BRAT1: variants seen among roughly 807,000 people sequenced by gnomAD.
The protein encoded by BRAT1 is integrator complex assembly factor BRAT1.
In BRAT1, 74 loss-of-function variants were observed where a neutral mutation model predicts 70.6. The ratio of observed to expected loss-of-function variants is 1.05; its 90% CI spans 0.87 to 1.27. BRAT1 has a LOEUF of 1.27. Ranked by LOEUF, BRAT1 falls within the 50% of genes most tolerant of loss-of-function variation. The pLI, the probability that BRAT1 is intolerant of heterozygous loss-of-function variation, is 0.00. For synonymous variants in BRAT1, 615 were observed against 517.1 expected, an observed-to-expected ratio of 1.19 and a Z score of -2.57; for missense variants, 1,203 against 1,098.2, an observed-to-expected ratio of 1.10 and a Z score of -1.35.
chr7:2,552,081 A>ATATATATATATATATTTAAAT (rs1780047000), intron 2 of BRAT1, among the ~76,000 whole-genome samples: 1 of 23,382 alleles, frequency 4.3e-5, no homozygotes, highest in East Asian at 2.8e-3. Flanking sequence ...CATAGTCTTA[A>ATATATATATATATATTTAAAT]ATATATATAT....
At chr7:2,545,129 G>A in intron 3 of BRAT1, 73 bp from the exon 4 acceptor site, 1 of 1,407,718 alleles carries the variant, frequency 7.1e-7, no homozygotes, top group Non-Finnish European at 9.4e-7. Context: ...ACTTTGGGAG[G>A]CCGAGGAGGG....
rs749883517 is a variant in BRAT1 at position 2,541,841 on chromosome 7, G to A, written c.1016-5C>T. The A allele has an allele frequency of 2.5e-6, 4 of 1,612,554 alleles. No individual in the cohort carries two copies. The highest frequency in any genetic ancestry group is 3.4e-6 in the Non-Finnish European group (4 of 1,179,696). On this transcript the variant is annotated splice_region_variant and splice_polypyrimidine_tract_variant and intron_variant, in intron 7 of 13. Coordinates refer to ENST00000340611, the MANE Select transcript of BRAT1 (RefSeq NM_152743.4). Reference sequence around the variant, plus strand: ...CTGCCGTCCCGTCCAGCAAGCCTGGGGGCCAAGCCAGGAAGAGCTCCCTTA... The same window carrying A: ...CTGCCGTCCCGTCCAGCAAGCCTGGAGGCCAAGCCAGGAAGAGCTCCCTTA...
At position 2,552,081 on chromosome 7, in the gene BRAT1, A is replaced by AACATATATATAT. The variant is rs1554298077; in HGVS notation, c.127+2223_127+2224insATATATATATGT. Among the ~76,000 whole-genome samples the AACATATATATAT allele has an allele frequency of 3.0e-4, 7 of 23,384 alleles. 1 individual carries two copies. In the East Asian group the frequency reaches 0.017, roughly 58 times the overall value. The allele number at this position is 23,384 out of a possible 152,430, so 15.3% of individuals were successfully genotyped here. The stretch of plus-strand genomic sequence containing the variant: ...ACTTTTAGAGAAATGCATAGTCTTA[A>AACATATATATAT]ATATATATATATATATATATATATA... On this transcript the variant is annotated intron_variant, in intron 2 of 13. Coordinates refer to ENST00000340611, the MANE Select transcript of BRAT1 (RefSeq NM_152743.4).
chr7:2,538,942 C>A, intron 13 of BRAT1, 178 bp from the exon 14 acceptor site: 1 of 1,451,254 alleles, frequency 6.9e-7, no homozygotes, highest in Non-Finnish European at 9.0e-7. Flanking sequence ...TCAGTTTACC[C>A]ATCTGTCAAA....
intron 13 of BRAT1, 198 bp from the exon 14 acceptor site, chr7:2,538,962 C>G: frequency 6.9e-7 from 1 of 1,446,136 alleles, no homozygotes. Context: ...ATGGAGGTAA[C>G]CATGTCTAAG....
chr7:2,550,713 G>A (rs1052593406), intron 2 of BRAT1, among the ~76,000 whole-genome samples: 13 of 152,046 alleles, frequency 8.6e-5, no homozygotes, highest in African/African-American at 2.9e-4. Context: ...AATGACAGAG[G>A]CTGGGAGGGA....
intron 2 of BRAT1, among the ~76,000 whole-genome samples, chr7:2,549,434 A>G (rs34224796): frequency 0.12 from 18,498 of 152,142 alleles, 1,517 homozygotes; most frequent in Admixed American, 0.17. Context: ...CCGTGATTAC[A>G]CCACTGTCCT....
rs188944045 is a variant in BRAT1, at chr7:2,546,153, A to G, written c.283-1097T>C. ...GAGCTCTCATGCCTTGCTATGTAGA[A>G]ATTCTTGGCTGGGAGCAGTGGCTCA... On this transcript the variant is annotated intron_variant, in intron 3 of 13. Coordinates refer to ENST00000340611, the MANE Select transcript of BRAT1 (RefSeq NM_152743.4). Among the ~76,000 whole-genome samples the G allele has an allele frequency of 6.9e-3, 1,050 of 152,298 alleles. 31 individuals are homozygous for G. The highest frequency in any genetic ancestry group is 0.06 in the Admixed American group (914 of 15,288).
At chr7:2,553,814 GT>G (rs765357895) in intron 2 of BRAT1, among the ~76,000 whole-genome samples, 149 of 133,154 alleles carry the variant, frequency 1.1e-3, no homozygotes, top group Middle Eastern at 3.9e-3. Flanking sequence ...GCTAATTTTT[GT>G]TTTTTTTTTT....
chr7:2,540,703 AT>A, intron 10 of BRAT1: 1 of 387,622 alleles, frequency 2.6e-6, no homozygotes, highest in Non-Finnish European at 4.6e-6. Context: ...GTGCCACCTC[AT>A]TTCCCTTGTC....
rs1384226043 is a variant in BRAT1, at chr7:2,541,431, A to G, written c.1188T>C (p.Thr396=). 6.3e-7 allele frequency: 1 copy of G among 1,582,084 alleles called. No homozygotes were observed. The highest frequency in any genetic ancestry group is 2.3e-5 in the East Asian group (1 of 43,582). ...PQASLLGATV[T]VLRLCDGSAA... ...CCGAGCCGTCACAGAGCCGCAGGAC[A>G]GTCACTGTAGCCCCCAGTAGAGACG... Residue 396 remains threonine (T), a synonymous_variant, in exon 9 of 14, where the codon ACT becomes ACC. Transcript: ENST00000340611.
chr7:2,546,848 C>T (rs763315348), intron 3 of BRAT1, among the ~76,000 whole-genome samples: 1 of 152,198 alleles, frequency 6.6e-6, no homozygotes, highest in East Asian at 1.9e-4. Flanking sequence ...TAGGCTGGGT[C>T]GCTGGAGGTG....
rs1483070133 is a variant in BRAT1 at position 2,538,098 on chromosome 7, G to A, written c.2437C>T (p.Leu813=). The A allele has an allele frequency of 1.3e-6, 2 of 1,583,970 alleles. No homozygotes were observed. Among genetic ancestry groups the A allele is most frequent in the Non-Finnish European group, 1.7e-6 (2 of 1,159,780 alleles). The change falls in exon 14 of 14, where the codon CTG becomes TTG. Residue 813 remains leucine (L), a synonymous_variant. Coordinates refer to ENST00000340611, the MANE Select transcript of BRAT1 (RefSeq NM_152743.4). ...TAGCAGTCGGCCTCGTCCCCCTGCA[G>A]GAAGCCTCCCGTGGCCAGCATGTCC... ...LQDMLATGGF[L]QGDEADCY is the part of the protein sequence containing the mutation.
chr7:2,553,649 G>GT (rs533849021), intron 2 of BRAT1, among the ~76,000 whole-genome samples: 309 of 142,422 alleles, frequency 2.2e-3, no homozygotes, highest in Middle Eastern at 3.6e-3. Context: ...GTATTACTTT[G>GT]TTTTTTTTTT....
chr7:2,543,879 G>A lies in BRAT1; in HGVS notation c.514C>T (p.Leu172=). The change falls in exon 5 of 14, where the codon CTG becomes TTG. Residue 172 remains leucine, a synonymous_variant. Transcript: ENST00000340611. This position sits in a 1 kb window ranked among gnomAD's most constrained non-coding sequence, Gnocchi z 5.5. The part of the protein sequence containing the change: ...SAASQLLVHV[L]ALSMRGGAEG... ...GCTCCACCTCGCATGGACAAAGCCA[G>A]GACGTGCACCAGGAGCTGACTGGCC... The A allele has an allele frequency of 4.3e-6, 7 of 1,612,336 alleles. No individual in the cohort carries two copies. The highest frequency in any genetic ancestry group is 5.9e-6 in the Non-Finnish European group (7 of 1,179,542).
intron 6 of BRAT1, 60 bp from the exon 7 acceptor site, chr7:2,542,271 C>T: frequency 1.4e-6 from 2 of 1,393,766 alleles, no homozygotes; most frequent in East Asian, 2.5e-5. Context: ...TGGCTGTGCT[C>T]CTAATGTCCC....
chr7:2,542,304 C>A, intron 6 of BRAT1, 93 bp from the exon 7 acceptor site: 1 of 1,103,170 alleles, frequency 9.1e-7, no homozygotes, highest in Admixed American at 2.1e-5. Context: ...GGCAAATCAG[C>A]CAGGGGGTTG....
chr7:2,551,995 C>CA (rs1489109777), intron 2 of BRAT1, among the ~76,000 whole-genome samples: 2 of 136,030 alleles, frequency 1.5e-5, no homozygotes, highest in African/African-American at 5.3e-5. Flanking sequence ...ATAAAATACT[C>CA]AGAACTAAAT....
At position 2,537,990 on chromosome 7, in the gene BRAT1, T is replaced by A. The variant is rs532794940; in HGVS notation, c.*79A>T. On this transcript the variant is annotated 3_prime_UTR_variant, in exon 14 of 14. Transcript: ENST00000340611. ...GATCCACCGGGCTGGGCTGGAGCCC[T>A]GGGGCTGGCAGTGTCCCACAGAAGG... 1.1e-4 allele frequency: 162 copies of A among 1,445,126 alleles called. No individual in the cohort carries two copies. In the African/African-American group the frequency reaches 2.2e-3, roughly 20 times the overall value. 89.5% of individuals were successfully genotyped at this position (1,445,126 alleles called of 1,614,324 possible).
Sources: allele counts gnomAD v4.1 joint callset (sites outside exome capture counted in the v4.1 genomes callset), GRCh38; gene constraint gnomAD v4.1.1; non-coding constraint Gnocchi (gnomAD v3.1); transcripts MANE v1.5; gene names NCBI Gene and HGNC (gene_info 2026-07-23, HGNC 2026-07-21).